Variants in PPFIA4 observed in about 807,000 individuals in gnomAD.
PPFIA4 encodes the protein PPFI scaffold protein A4.
Under a neutral mutation model 145.7 loss-of-function variants are expected in PPFIA4, and 98 were observed. That is an observed-to-expected ratio of 0.67 (90% CI 0.57 to 0.80). The LOEUF (loss-of-function observed/expected upper bound fraction) is 0.80, where lower values mean the gene tolerates loss of function less well. Among genes scored for constraint, PPFIA4 ranks in the 30% least tolerant of loss-of-function variants. The pLI is 0.00. For synonymous variants in PPFIA4, 628 were observed against 649.6 expected (o/e 0.97, Z 0.51); for missense variants, 1,457 against 1,632.7 (o/e 0.89, Z 1.85).
intron 12 of PPFIA4, 140 bp downstream of exon 12, chr1:203,049,120 A>C: frequency 1.2e-6 from 1 of 843,792 alleles, no homozygotes. Flanking sequence ...TTATTCCGTG[A>C]TTTCTCACTA....
Position 203,063,908 on chromosome 1 carries a change from C to G in PPFIA4, c.2955C>G (p.Ser985Arg). The G allele has an allele frequency of 6.2e-7, 1 of 1,614,090 alleles. No homozygotes were observed. The highest frequency in any genetic ancestry group is 8.5e-7 in the Non-Finnish European group (1 of 1,179,908). ...GCCTGGGGCTCCCGCAGTACCGCAG[C>G]TACTTCATGGAGTGCCTGGTGGACG... is the stretch of plus-strand genomic sequence containing the variant. ...LPSLGLPQYR[S>R]YFMECLVDAR... Residue 985 changes from serine to arginine, a missense_variant, in exon 25 of 30, where the codon AGC becomes AGG. Around this residue, in one of 3 missense-constraint regions of PPFIA4, gnomAD observed 848 missense variants for 1,046.7 expected, o/e 0.81. Transcript: ENST00000295706.
At chr1:203,067,447 T>C (rs952804566) in intron 25 of PPFIA4, 3 of 448,554 alleles carry the variant, frequency 6.7e-6, no homozygotes, top group South Asian at 7.7e-5. Flanking sequence ...GAACTTTTTT[T>C]CCCATCAATC....
At position 203,043,896 on chromosome 1, in the gene PPFIA4, C is replaced by A; in HGVS notation, c.337-35C>A. 6.4e-7 allele frequency: 1 copy of A among 1,557,876 alleles called. No individual in the cohort carries two copies. Among genetic ancestry groups the A allele is most frequent in the Non-Finnish European group, 8.7e-7 (1 of 1,149,924 alleles). On this transcript the variant is annotated intron_variant, in intron 3 of 29. Coordinates refer to ENST00000295706, the MANE Select transcript of PPFIA4 (RefSeq NM_001304331.2). This position sits in a 1 kb window ranked among gnomAD's most constrained non-coding sequence, Gnocchi z 4.4. ...TAGCCCCTGGGGCACATGCTTACAG[C>A]CCTCCCTCTCACCCTCCCCTGCTCT...
chr1:203,068,392 T>C lies in PPFIA4; in HGVS notation c.3149-61T>C. 1 of 1,452,672 alleles carries C rather than the reference T, an allele frequency of 6.9e-7. No individual in the cohort carries two copies. The highest frequency in any genetic ancestry group is 1.5e-5 in the African/African-American group (1 of 68,590). 90.0% of individuals were successfully genotyped at this position (1,452,672 alleles called of 1,614,324 possible). A position where few individuals can be genotyped will look rare whatever the true frequency, so the allele number is the denominator to read the frequency against. ...GTTTAGGGAGCTCTGCTTCTGTCCTTGGAGGGCCCTTGATGAAACGTAGTA... is the reference window on the plus strand; with the variant it reads ...GTTTAGGGAGCTCTGCTTCTGTCCTCGGAGGGCCCTTGATGAAACGTAGTA... On this transcript the variant is annotated intron_variant, in intron 26 of 29. Transcript: ENST00000295706. This position sits in a 1 kb window ranked among gnomAD's most constrained non-coding sequence, Gnocchi z 4.7.
At chr1:203,066,888 G>A (rs1412284614) in intron 25 of PPFIA4, among the ~76,000 whole-genome samples, 4 of 152,152 alleles carry the variant, frequency 2.6e-5, no homozygotes, top group Admixed American at 2.6e-4. Flanking sequence ...AATTCTAACT[G>A]GAAGAGACAG....
At chr1:203,053,359 C>G (rs1218095315) in intron 14 of PPFIA4, among the ~76,000 whole-genome samples, 1 of 151,904 alleles carries the variant, frequency 6.6e-6, no homozygotes, top group Non-Finnish European at 1.5e-5. Flanking sequence ...ATGGTGAAAC[C>G]CCGTCTCTAC....
intron 24 of PPFIA4, chr1:203,063,059 A>T (rs1661501166): frequency 6.6e-6 from 1 of 152,268 alleles, no homozygotes; most frequent in South Asian, 2.1e-4. Flanking sequence ...AAAGAGAACA[A>T]AATAGACTTT....
intron 25 of PPFIA4, 49 bp from the exon 26 acceptor site, chr1:203,067,646 G>A: frequency 2.0e-6 from 3 of 1,509,580 alleles, no homozygotes; most frequent in Non-Finnish European, 2.8e-6. Context: ...CAGGTGGTGT[G>A]GGAATGTGGC....
chr1:203,051,601 G>A, intron 13 of PPFIA4, 168 bp from the exon 14 acceptor site: 1 of 1,302,182 alleles, frequency 7.7e-7, no homozygotes, highest in Non-Finnish European at 1.0e-6. Flanking sequence ...GCATACGTCT[G>A]CTCTCTTGCT....
chr1:203,039,240 CA>C lies in PPFIA4; in HGVS notation c.233del (p.Gln78ArgfsTer6). 1 of 1,577,508 alleles carries C rather than the reference CA, an allele frequency of 6.3e-7. No homozygotes were observed. The highest frequency in any genetic ancestry group is 8.6e-7 in the Non-Finnish European group (1 of 1,163,280). On this transcript the variant is annotated frameshift_variant and splice_region_variant, in exon 2 of 30. Transcript: ENST00000295706. LOFTEE classifies it high-confidence loss of function. ...LQRHLNSALP[Q>X]EFATLTRELS... is the part of the protein sequence containing the mutation. ...GCGCCACCTTAACTCCGCCCTCCCC[CA>C]GGTAAGGCCCGAAGGCCTGCGTCTC...
At chr1:203,061,202 G>C (rs548839463) in intron 23 of PPFIA4, among the ~76,000 whole-genome samples, 170 bp downstream of exon 23, 1 of 152,178 alleles carries the variant, frequency 6.6e-6, no homozygotes, top group Non-Finnish European at 1.5e-5. Flanking sequence ...CGGGAGAGGG[G>C]TGAGGCTGGG....
At chr1:203,069,112 C>G (rs749659126) in intron 27 of PPFIA4, among the ~76,000 whole-genome samples, 12 of 152,162 alleles carry the variant, frequency 7.9e-5, no homozygotes, top group Admixed American at 1.3e-4. Context: ...ATTACACAAC[C>G]CAGAGCCTCT....
intron 19 of PPFIA4, among the ~76,000 whole-genome samples, chr1:203,057,452 T>C (rs969992011): frequency 6.6e-6 from 1 of 152,244 alleles, no homozygotes; most frequent in Non-Finnish European, 1.5e-5. Flanking sequence ...GGCATCGTTA[T>C]CACCTCTGTG....
Position 203,049,706 on chromosome 1 carries a change from C to T in PPFIA4, c.1450C>T (p.Arg484Cys), listed in dbSNP as rs770786407. Reference protein sequence around the residue: ...GRLSEEIEKLRQEVDQLKGRG... With the variant: ...GRLSEEIEKLCQEVDQLKGRG... ...CCTGTCTGAAGAGATTGAGAAGCTG[C>T]GCCAAGAGGTGGACCAGCTGAAGGG... is the stretch of plus-strand genomic sequence containing the variant. The change falls in exon 13 of 30, where the codon CGC (arginine) becomes TGC (cysteine). Residue 484 changes from arginine (R) to cysteine (C), a missense_variant. This residue lies in a region of PPFIA4 where 848 missense variants were observed against 1,046.7 expected (regional missense o/e 0.81). Transcript: ENST00000295706. The T allele has an allele frequency of 4.2e-5, 66 of 1,582,526 alleles. No homozygotes were observed. The highest frequency in any genetic ancestry group is 1.1e-4 in the African/African-American group (8 of 74,098).
At chr1:203,035,987 A>G (rs1244925380) in intron 1 of PPFIA4, among the ~76,000 whole-genome samples, 4 of 152,194 alleles carry the variant, frequency 2.6e-5, no homozygotes, top group Non-Finnish European at 5.9e-5. Flanking sequence ...AGAAGCAACC[A>G]AAGCCAGCTT....
At chr1:203,056,619 C>T in intron 18 of PPFIA4, 111 bp downstream of exon 18, 1 of 1,433,840 alleles carries the variant, frequency 7.0e-7, no homozygotes, top group Non-Finnish European at 9.4e-7. Flanking sequence ...GAATGTCTTA[C>T]TTCTCTTTGA....
rs1659513883 is a variant in PPFIA4 at position 203,039,161 on chromosome 1, G to A, written c.153G>A (p.Leu51=). The A allele has an allele frequency of 2.5e-6, 4 of 1,607,200 alleles. No individual in the cohort carries two copies. Among genetic ancestry groups the A allele is most frequent in the South Asian group, 1.1e-5 (1 of 90,150 alleles). ...LESLRESQET[L]AATQSRLQDA... is the part of the protein sequence containing the mutation. The stretch of plus-strand genomic sequence containing the variant: ...CTCTTCGGGAGAGTCAGGAGACCTT[G>A]GCGGCCACACAGAGCCGGCTCCAGG... Residue 51 remains leucine (L), a synonymous_variant, in exon 2 of 30, where the codon TTG becomes TTA. Coordinates refer to ENST00000295706, the MANE Select transcript of PPFIA4 (RefSeq NM_001304331.2).
In PPFIA4 at chr1:203,077,417, G is replaced by A. The variant is rs528016137; in HGVS notation, c.*1027G>A. The A allele has an allele frequency of 9.9e-5, 15 of 152,188 alleles. No individual in the cohort carries two copies. Among genetic ancestry groups the A allele is most frequent in the Non-Finnish European group, 2.2e-4 (15 of 68,052 alleles). 9.4% of individuals were successfully genotyped at this position (152,188 alleles called of 1,614,324 possible). A position where few individuals can be genotyped will look rare whatever the true frequency, so the allele number is the denominator to read the frequency against. The stretch of plus-strand genomic sequence containing the variant: ...CCCTATAAAAATGAACCTAATGGGT[G>A]GATTGAATATACATTGAGCCCAAAG... On this transcript the variant is annotated 3_prime_UTR_variant, in exon 30 of 30. Coordinates refer to ENST00000295706, the MANE Select transcript of PPFIA4 (RefSeq NM_001304331.2).
chr1:203,059,878 CAG>C (rs1482008557), intron 21 of PPFIA4, 27 bp downstream of exon 21: 16 of 1,579,672 alleles, frequency 1.0e-5, no homozygotes, highest in South Asian at 3.4e-5. Flanking sequence ...GGAGTCCACT[CAG>C]GGGTCTGGAG....
Sources: allele counts gnomAD v4.1 joint callset (sites outside exome capture counted in the v4.1 genomes callset), GRCh38; gene constraint gnomAD v4.1.1; regional missense constraint gnomAD v4.1.1; non-coding constraint Gnocchi (gnomAD v3.1); transcripts MANE v1.5; gene names NCBI Gene and HGNC (gene_info 2026-07-23, HGNC 2026-07-21).